Variants in ERAP1 observed in about 807,000 individuals in gnomAD.
ERAP1 encodes adipocyte-derived leucine aminopeptidase.
Under a neutral mutation model 103.7 loss-of-function variants are expected in ERAP1, and 86 were observed. The ratio of observed to expected loss-of-function variants is 0.83; its 90% CI spans 0.70 to 0.99. The LOEUF is 0.99. ERAP1 is among the 50% of genes least tolerant of loss of function. The pLI, the probability that ERAP1 is intolerant of heterozygous loss-of-function variation, is 0.00. For missense variants in ERAP1, 1,009 were observed against 1,128.4 expected (o/e 0.89, Z 1.52); for synonymous variants, 398 against 402.4 (o/e 0.99, Z 0.13).
the ERAP1 span, among the ~76,000 whole-genome samples, chr5:96,908,002 G>A: frequency 5.0e-4 from 76 of 152,318 alleles, no homozygotes; most frequent in African/African-American, 1.7e-3. Flanking sequence ...AAAGCAGCAA[G>A]TCATCGTGAT....
chr5:96,807,425 C>T (rs986904195), intron 1 of ERAP1, among the ~76,000 whole-genome samples: 1 of 152,226 alleles, frequency 6.6e-6, no homozygotes, highest in Non-Finnish European at 1.5e-5. Flanking sequence ...CCCCACCCCG[C>T]CTTTTGGCCT....
At chr5:96,891,475 A>G in the ERAP1 span, among the ~76,000 whole-genome samples, 2 of 89,376 alleles carry the variant, frequency 2.2e-5, no homozygotes, top group East Asian at 7.9e-4. Flanking sequence ...ATACAGGTAT[A>G]TATATATATG....
chr5:96,829,257 CTTGTTTTTTCATAT>C, the ERAP1 span, among the ~76,000 whole-genome samples: 1 of 151,954 alleles, frequency 6.6e-6, no homozygotes, highest in Non-Finnish European at 1.5e-5. Context: ...TTTTTTCATA[CTTGTTTTTTCATAT>C]ACCAAGTAAA....
At chr5:96,839,962 T>C in the ERAP1 span, among the ~76,000 whole-genome samples, 1 of 152,254 alleles carries the variant, frequency 6.6e-6, no homozygotes, top group South Asian at 2.1e-4. Flanking sequence ...TTTATACTTG[T>C]AAGTAAATGC....
chr5:96,861,715 A>G, the ERAP1 span, among the ~76,000 whole-genome samples: 1 of 152,142 alleles, frequency 6.6e-6, no homozygotes, highest in African/African-American at 2.4e-5. Flanking sequence ...CCACTTTACA[A>G]ATGAGGAAAG....
At chr5:96,889,096 G>A in the ERAP1 span, 1 of 1,474,508 alleles carries the variant, frequency 6.8e-7, no homozygotes, top group Non-Finnish European at 9.3e-7. Context: ...AAAAGATACA[G>A]TCTGCCTTTC....
chr5:96,829,092 C>T, the ERAP1 span, among the ~76,000 whole-genome samples: 7 of 152,300 alleles, frequency 4.6e-5, no homozygotes, highest in African/African-American at 4.8e-5. Flanking sequence ...GTGATCCGCC[C>T]GCCTCGGCCT....
At chr5:96,848,976 T>C in the ERAP1 span, among the ~76,000 whole-genome samples, 3 of 152,174 alleles carry the variant, frequency 2.0e-5, no homozygotes, top group African/African-American at 7.2e-5. Context: ...GTTCAACATA[T>C]GCAAATCATA....
the ERAP1 span, among the ~76,000 whole-genome samples, chr5:96,897,813 AC>A: frequency 6.6e-6 from 1 of 152,232 alleles, no homozygotes; most frequent in East Asian, 1.9e-4. Flanking sequence ...GTCATTGTAG[AC>A]AGAAGAGATC....
At chr5:96,929,491 T>G in the ERAP1 span, among the ~76,000 whole-genome samples, 3 of 151,806 alleles carry the variant, frequency 2.0e-5, no homozygotes, top group Admixed American at 2.0e-4. Flanking sequence ...CTTCCTTCCT[T>G]TCTTTCTTCT....
At chr5:96,798,558 T>TA (rs1561283134) in intron 3 of ERAP1, among the ~76,000 whole-genome samples, 2 of 147,416 alleles carry the variant, frequency 1.4e-5, no homozygotes, top group African/African-American at 5.0e-5. Flanking sequence ...ATCCAATACT[T>TA]ACCTCTATTG....
intron 16 of ERAP1, 43 bp downstream of exon 16, chr5:96,781,650 A>G (rs375217716): frequency 1.0e-4 from 165 of 1,612,768 alleles, no homozygotes; most frequent in Non-Finnish European, 1.3e-4. Context: ...AATCTAATCT[A>G]ATTTCCCTTG....
the ERAP1 span, among the ~76,000 whole-genome samples, chr5:96,816,057 G>A: frequency 6.6e-6 from 1 of 151,916 alleles, no homozygotes; most frequent in Admixed American, 6.5e-5. Flanking sequence ...TTTTCCACAC[G>A]TTAGCCAGAA....
the ERAP1 span, among the ~76,000 whole-genome samples, chr5:96,928,059 C>T: frequency 5.9e-5 from 9 of 152,256 alleles, 1 homozygote; most frequent in African/African-American, 1.7e-4. Flanking sequence ...ACACAGACCA[C>T]CATACACAGC....
At chr5:96,899,034 T>C in the ERAP1 span, among the ~76,000 whole-genome samples, 3 of 152,324 alleles carry the variant, frequency 2.0e-5, no homozygotes, top group South Asian at 4.1e-4. Context: ...AAAAGAAAAT[T>C]TGGCCAGCAA....
chr5:96,787,837 C>T (rs1415116777), intron 11 of ERAP1, among the ~76,000 whole-genome samples: 1 of 150,206 alleles, frequency 6.7e-6, no homozygotes, highest in Non-Finnish European at 1.5e-5. Flanking sequence ...TATATATACA[C>T]ACACACATAT....
chr5:96,818,358 A>T, the ERAP1 span, among the ~76,000 whole-genome samples: 1 of 152,078 alleles, frequency 6.6e-6, no homozygotes, highest in Non-Finnish European at 1.5e-5. Context: ...CGATGAGGCC[A>T]AGGGCAAAGC....
chr5:96,891,367 A>T, the ERAP1 span, among the ~76,000 whole-genome samples: 1 of 146,120 alleles, frequency 6.8e-6, no homozygotes, highest in East Asian at 2.0e-4. Context: ...GTATATATAT[A>T]TGTGTATATA....
chr5:96,916,318 A>G, the ERAP1 span, among the ~76,000 whole-genome samples: 1 of 152,046 alleles, frequency 6.6e-6, no homozygotes, highest in South Asian at 2.1e-4. Context: ...AGCATTCAAA[A>G]TGAAAATAGA....
Sources: allele counts gnomAD v4.1 joint callset (sites outside exome capture counted in the v4.1 genomes callset), GRCh38; gene constraint gnomAD v4.1.1; transcripts MANE v1.5; gene names NCBI Gene and HGNC (gene_info 2026-07-23, HGNC 2026-07-21).